MSRA: variants seen among roughly 807,000 people sequenced by gnomAD.
MSRA encodes methionine sulfoxide reductase A, also known as mitochondrial peptide methionine sulfoxide reductase.
MSRA carries 54 observed loss-of-function variants against 31.3 expected under a neutral mutation model. The ratio of observed to expected loss-of-function variants is 1.73; its 90% CI spans 1.39 to 2.17. The LOEUF (loss-of-function observed/expected upper bound fraction) is 2.17. MSRA is among the 30% of genes most tolerant of loss of function. MSRA has a pLI of 0.00. For missense variants in MSRA, 507 were observed against 300.9 expected, an observed-to-expected ratio of 1.69 and a Z score of -5.07; for synonymous variants, 169 against 116.5, an observed-to-expected ratio of 1.45 and a Z score of -2.90.
At position 10,419,628 on chromosome 8, in the gene MSRA, G is replaced by T. The variant is rs191369553; in HGVS notation, c.544-8520G>T. Among the ~76,000 whole-genome samples, 511 of 152,290 alleles carry T rather than the reference G, an allele frequency of 3.4e-3. 3 individuals are homozygous for T. The highest frequency in any genetic ancestry group is 0.011 in the African/African-American group (468 of 41,548). On this transcript the variant is annotated intron_variant, in intron 5 of 5. Transcript: ENST00000317173. ...TTAGAAAATTGACACTGTACCTGGT[G>T]CTTAAAACGCAAATGCTGCTTTCCT...
intron 1 of MSRA, among the ~76,000 whole-genome samples, chr8:10,111,607 C>G (rs1455504727): frequency 6.6e-6 from 1 of 151,906 alleles, no homozygotes; most frequent in Admixed American, 6.6e-5. Context: ...GGTTTAAAGG[C>G]AAAATATATG....
At chr8:10,170,499 C>G (rs1042261068) in intron 1 of MSRA, among the ~76,000 whole-genome samples, 5 of 152,198 alleles carry the variant, frequency 3.3e-5, no homozygotes, top group Non-Finnish European at 5.9e-5. Context: ...GAATAAATGA[C>G]TCTTGGCCCT....
intron 1 of MSRA, among the ~76,000 whole-genome samples, chr8:10,083,077 C>G (rs1460440108): frequency 1.3e-5 from 2 of 150,988 alleles, no homozygotes; most frequent in East Asian, 4.0e-4. Context: ...ACCATACTTA[C>G]ATTCTTTGTT....
chr8:10,266,553 A>G (rs1364019296), intron 3 of MSRA, among the ~76,000 whole-genome samples: 1 of 151,846 alleles, frequency 6.6e-6, no homozygotes, highest in African/African-American at 2.4e-5. Flanking sequence ...CATTCTCTTA[A>G]CAGTGTTTTT....
chr8:10,422,424 A>C (rs1216978452), intron 5 of MSRA, among the ~76,000 whole-genome samples: 1 of 152,180 alleles, frequency 6.6e-6, no homozygotes, highest in Non-Finnish European at 1.5e-5. Context: ...CAACAGAAGG[A>C]AGGCACAGGA....
chr8:10,293,049 C>T (rs1206577174), intron 3 of MSRA, among the ~76,000 whole-genome samples: 1 of 152,168 alleles, frequency 6.6e-6, no homozygotes, highest in African/African-American at 2.4e-5. Flanking sequence ...GTCTCCGTCC[C>T]TCGTGAGCTC....
At chr8:10,114,247 A>G (rs7008407) in intron 1 of MSRA, among the ~76,000 whole-genome samples, 88,898 of 151,958 alleles carry the variant, frequency 0.59, 26,178 homozygotes, top group Middle Eastern at 0.67. Context: ...TCTTTTTACT[A>G]TTGGGTTGTT....
chr8:10,319,072 C>A (rs1271135370), intron 4 of MSRA, among the ~76,000 whole-genome samples: 1 of 152,148 alleles, frequency 6.6e-6, no homozygotes. Context: ...CTTTCTGAAA[C>A]CTTGCATTTT....
chr8:10,334,958 G>C (rs1016451194), intron 5 of MSRA, among the ~76,000 whole-genome samples: 2 of 152,220 alleles, frequency 1.3e-5, no homozygotes, highest in Non-Finnish European at 2.9e-5. Context: ...AGCCGGCGCG[G>C]CGAGCCCGCC....
intron 1 of MSRA, among the ~76,000 whole-genome samples, chr8:10,138,699 G>GA (rs1261228741): frequency 2.0e-5 from 3 of 152,114 alleles, no homozygotes; most frequent in Non-Finnish European, 4.4e-5. Context: ...ATCATCCTTG[G>GA]AAAAAGAGGT....
At chr8:10,266,411 C>G (rs537303631) in intron 3 of MSRA, among the ~76,000 whole-genome samples, 2 of 152,262 alleles carry the variant, frequency 1.3e-5, no homozygotes, top group South Asian at 2.1e-4. Context: ...CTGTTCAAAT[C>G]TCTTATGTAT....
intron 5 of MSRA, among the ~76,000 whole-genome samples, chr8:10,328,943 G>A (rs1802534623): frequency 6.6e-6 from 1 of 152,152 alleles, no homozygotes; most frequent in Admixed American, 6.5e-5. Flanking sequence ...CTGTGGACAT[G>A]CTGCCTGGTT....
At chr8:10,225,874 G>T (rs1475208491) in intron 2 of MSRA, among the ~76,000 whole-genome samples, 1 of 152,208 alleles carries the variant, frequency 6.6e-6, no homozygotes, top group Non-Finnish European at 1.5e-5. Context: ...TCCAAGGGAG[G>T]AAAATGGTTG....
intron 1 of MSRA, among the ~76,000 whole-genome samples, chr8:10,198,133 A>G (rs763167517): frequency 6.6e-6 from 1 of 151,890 alleles, no homozygotes; most frequent in Non-Finnish European, 1.5e-5. Flanking sequence ...TTCTTTTGAT[A>G]ATTTATTGAT....
intron 1 of MSRA, among the ~76,000 whole-genome samples, chr8:10,069,435 T>C (rs534765316): frequency 6.6e-6 from 1 of 152,362 alleles, no homozygotes; most frequent in African/African-American, 2.4e-5. Flanking sequence ...CGTGTTGTGA[T>C]AACAGAATAC....
chr8:10,311,851 A>G (rs113297631), intron 4 of MSRA, among the ~76,000 whole-genome samples: 39 of 152,336 alleles, frequency 2.6e-4, no homozygotes, highest in Non-Finnish European at 4.6e-4. Flanking sequence ...CAGGAGGTTG[A>G]GGCTGCAGTG....
intron 5 of MSRA, among the ~76,000 whole-genome samples, chr8:10,372,877 A>T (rs1805555649): frequency 6.6e-6 from 1 of 152,256 alleles, no homozygotes; most frequent in Admixed American, 6.5e-5. Flanking sequence ...GCACTTTGCT[A>T]AGTTGTTATT....
intron 1 of MSRA, among the ~76,000 whole-genome samples, chr8:10,182,782 C>A (rs537507090): frequency 3.9e-5 from 6 of 152,240 alleles, no homozygotes; most frequent in Admixed American, 3.3e-4. Context: ...ACATGGCAGC[C>A]TGCTTCATCA....
intron 5 of MSRA, among the ~76,000 whole-genome samples, chr8:10,345,590 GA>G (rs1452740506): frequency 2.0e-5 from 3 of 152,132 alleles, no homozygotes; most frequent in Non-Finnish European, 4.4e-5. Flanking sequence ...ATACCAATGG[GA>G]TATATTATTA....
Sources: allele counts gnomAD v4.1 joint callset (sites outside exome capture counted in the v4.1 genomes callset), GRCh38; gene constraint gnomAD v4.1.1; transcripts MANE v1.5; gene names NCBI Gene and HGNC (gene_info 2026-07-23, HGNC 2026-07-21).